The following PEX2 variants were observed in gnomAD, a reference collection of about 807,000 sequenced individuals.
PEX2 encodes peroxisomal biogenesis factor 2, also known as peroxisome biogenesis factor 2.
PEX2 carries 19 observed loss-of-function variants against 25.2 expected under a neutral mutation model. The ratio of observed to expected loss-of-function variants is 0.75; its 90% CI spans 0.53 to 1.10. PEX2 has a LOEUF of 1.10. Among genes scored for constraint, PEX2 ranks in the 50% least tolerant of loss-of-function variants. The probability of loss-of-function intolerance (pLI) is 0.00; values close to 1 mark genes in which losing one functional copy is unlikely to be tolerated. For missense variants in PEX2, 347 were observed against 350.6 expected (o/e 0.99, Z 0.08); for synonymous variants, 141 against 127.7 (o/e 1.10, Z -0.70).
rs1401347852 is a variant in PEX2 at position 76,986,208 on chromosome 8, C to G, written c.-39G>C. On this transcript the variant is annotated 5_prime_UTR_variant, in exon 3 of 4. Coordinates refer to ENST00000357039, the MANE Select transcript of PEX2 (RefSeq NM_000318.3). ...TCACCTTTTTCCTGTTCCTGCAGCTCCCTCAAGACTGGACAGCCTATAGCT... is the reference window on the plus strand; with the variant it reads ...TCACCTTTTTCCTGTTCCTGCAGCTGCCTCAAGACTGGACAGCCTATAGCT... The G allele has an allele frequency of 6.6e-6, 1 of 152,156 alleles. No individual in the cohort carries two copies. Among genetic ancestry groups the G allele is most frequent in the African/African-American group, 2.4e-5 (1 of 41,414 alleles). 9.4% of individuals were successfully genotyped at this position (152,156 alleles called of 1,614,324 possible). A position where few individuals can be genotyped will look rare whatever the true frequency, so the allele number is the denominator to read the frequency against.
chr8:76,998,907 A>G (rs1807411843), intron 1 of PEX2, among the ~76,000 whole-genome samples: 1 of 152,154 alleles, frequency 6.6e-6, no homozygotes, highest in African/African-American at 2.4e-5. Context: ...ATTTAGTCTA[A>G]TACTCTTCAG....
chr8:76,989,541 A>C (rs1364080363), intron 1 of PEX2, among the ~76,000 whole-genome samples: 1 of 152,242 alleles, frequency 6.6e-6, no homozygotes, highest in Admixed American at 6.5e-5. Flanking sequence ...CTTAAAAAAA[A>C]AATATAAAAG....
rs2132042507 is a variant in PEX2 at position 76,983,061 on chromosome 8, C to A, written c.*200G>T. ...AAATTGAATGCAATGATTTAAAAAACATAATACATTAACATTTACATAATA... is the reference window on the plus strand; with the variant it reads ...AAATTGAATGCAATGATTTAAAAAAAATAATACATTAACATTTACATAATA... On this transcript the variant is annotated 3_prime_UTR_variant, in exon 4 of 4. Transcript: ENST00000357039. 1 of 1,364,692 alleles carries A rather than the reference C, an allele frequency of 7.3e-7. No homozygotes were observed. Among genetic ancestry groups the A allele is most frequent in the East Asian group, 2.6e-5 (1 of 38,944 alleles). The allele number at this position is 1,364,692 out of a possible 1,614,324, so 84.5% of individuals were successfully genotyped here. A position where few individuals can be genotyped will look rare whatever the true frequency, so the allele number is the denominator to read the frequency against.
chr8:76,993,792 G>A (rs1194289366), intron 1 of PEX2, among the ~76,000 whole-genome samples: 1 of 151,892 alleles, frequency 6.6e-6, no homozygotes. Context: ...TGCAATTCTC[G>A]ACCTATACTA....
intron 1 of PEX2, among the ~76,000 whole-genome samples, chr8:76,999,131 C>T (rs979059456): frequency 6.6e-6 from 1 of 152,062 alleles, no homozygotes; most frequent in African/African-American, 2.4e-5. Flanking sequence ...TCATTCTGTT[C>T]AGGATTAAGT....
Position 76,998,355 on chromosome 8 carries a change from C to T in PEX2, c.-160+1635G>A, listed in dbSNP as rs531976937. Among the ~76,000 whole-genome samples the T allele has an allele frequency of 2.1e-4, 32 of 152,066 alleles. No homozygotes were observed. In the East Asian group the frequency reaches 3.9e-3, roughly 18 times the overall value. On this transcript the variant is annotated intron_variant, in intron 1 of 3. Transcript: ENST00000357039. ...TCCCTACGGCAAGAATCATTATGTG[C>T]ATCAAATATAAGCAAAACTTTTATG...
Position 76,983,356 on chromosome 8 carries a change from C to T in PEX2, c.823G>A (p.Asp275Asn). 1.2e-6 allele frequency: 2 copies of T among 1,613,960 alleles called. No homozygotes were observed. The highest frequency in any genetic ancestry group is 1.7e-6 in the Non-Finnish European group (2 of 1,179,996). Residue 275 changes from aspartate (D) to asparagine (N), a missense_variant, in exon 4 of 4, where the codon GAC (aspartate) becomes AAC (asparagine). Transcript: ENST00000357039. ...YFCAKSSFLF[D>N]VYFTCPKCGT... ...CACTTAGGACAAGTAAAGTACACGTCAAATAAGAAACTACTCTTAGCACAG... is the reference window on the plus strand; with the variant it reads ...CACTTAGGACAAGTAAAGTACACGTTAAATAAGAAACTACTCTTAGCACAG...
chr8:76,981,343 TC>T lies in PEX2; in HGVS notation c.*1917del, dbSNP rs1806820042. ...CAGGCATGGTGGTATGGGCCTGTGG[TC>T]CCAGCAACTTGGGAGGCTCAGATGG... On this transcript the variant is annotated 3_prime_UTR_variant, in exon 4 of 4. Coordinates refer to ENST00000357039, the MANE Select transcript of PEX2 (RefSeq NM_000318.3). 1 of 152,038 alleles carries T rather than the reference TC, an allele frequency of 6.6e-6. No individual in the cohort carries two copies. The highest frequency in any genetic ancestry group is 2.4e-5 in the African/African-American group (1 of 41,382). 9.4% of individuals were successfully genotyped at this position (152,038 alleles called of 1,614,324 possible).
At chr8:76,984,989 T>C (rs1419646037) in intron 3 of PEX2, among the ~76,000 whole-genome samples, 1 of 151,926 alleles carries the variant, frequency 6.6e-6, no homozygotes, top group Non-Finnish European at 1.5e-5. Flanking sequence ...GGGAAAAAAA[T>C]TTAAATGAAA....
intron 1 of PEX2, among the ~76,000 whole-genome samples, chr8:76,993,528 A>AT (rs1271740550): frequency 1.3e-5 from 2 of 152,248 alleles, no homozygotes; most frequent in Non-Finnish European, 2.9e-5. Context: ...GCCAACACCC[A>AT]TGCCCAACCA....
chr8:76,992,201 T>G (rs542553491), intron 1 of PEX2, among the ~76,000 whole-genome samples: 56 of 152,268 alleles, frequency 3.7e-4, no homozygotes, highest in Middle Eastern at 6.8e-3. Flanking sequence ...ACAGTGTGGA[T>G]AGAGAAAAGA....
intron 1 of PEX2, among the ~76,000 whole-genome samples, chr8:76,996,814 C>T (rs1399242364): frequency 6.6e-6 from 1 of 152,096 alleles, no homozygotes; most frequent in African/African-American, 2.4e-5. Context: ...TCATTTAATC[C>T]TCACAACACA....
In PEX2 at chr8:76,983,269, C is replaced by T. The variant is rs1387218096; in HGVS notation, c.910G>A (p.Ala304Thr). The T allele has an allele frequency of 1.2e-6, 2 of 1,612,640 alleles. No individual in the cohort carries two copies. Among genetic ancestry groups the T allele is most frequent in the South Asian group, 1.1e-5 (1 of 91,082 alleles). The part of the protein sequence containing the change: ...KSGIEMSEVN[A>T]L ...GGAAGCAATTTTAGTTTCTAAAGAG[C>T]ATTTACTTCTGACATCTCGATTCCT... The change falls in exon 4 of 4, where the codon GCT becomes ACT. Residue 304 changes from alanine (A) to threonine (T), a missense_variant. Physicochemically the swap from Ala to Thr is moderately conservative, Grantham distance 58 (BLOSUM62 0). Transcript: ENST00000357039.
At chr8:76,991,643 T>C (rs1252537069) in intron 1 of PEX2, among the ~76,000 whole-genome samples, 1 of 152,218 alleles carries the variant, frequency 6.6e-6, no homozygotes, top group African/African-American at 2.4e-5. Flanking sequence ...ACTTCTCCCA[T>C]GCTCTACATT....
At chr8:76,993,525 C>G (rs1223718704) in intron 1 of PEX2, among the ~76,000 whole-genome samples, 2 of 152,182 alleles carry the variant, frequency 1.3e-5, no homozygotes, top group African/African-American at 2.4e-5. Flanking sequence ...ATTGCCAACA[C>G]CCATGCCCAA....
At chr8:76,993,291 AG>A (rs1323296142) in intron 1 of PEX2, among the ~76,000 whole-genome samples, 5 of 152,236 alleles carry the variant, frequency 3.3e-5, no homozygotes, top group Non-Finnish European at 7.3e-5. Context: ...ATAAAACTGA[AG>A]AAAAGAAAAA....
chr8:76,993,081 G>A (rs1259692147), intron 1 of PEX2, among the ~76,000 whole-genome samples: 5 of 152,140 alleles, frequency 3.3e-5, no homozygotes, highest in Non-Finnish European at 7.4e-5. Flanking sequence ...GGCTGCATCT[G>A]TTATCTGGAA....
chr8:76,992,668 C>T (rs1807207327), intron 1 of PEX2, among the ~76,000 whole-genome samples: 1 of 152,188 alleles, frequency 6.6e-6, no homozygotes, highest in Non-Finnish European at 1.5e-5. Flanking sequence ...ATAGTGTAAG[C>T]AGTTTGTGTT....
rs765431828 is a variant in PEX2 at position 76,984,153 on chromosome 8, T to C, written c.26A>G (p.Lys9Arg). 1.2e-6 allele frequency: 2 copies of C among 1,614,156 alleles called. No homozygotes were observed. Among genetic ancestry groups the C allele is most frequent in the Non-Finnish European group, 1.7e-6 (2 of 1,180,012 alleles). MASRKENA[K>R]SANRVLRISQ... ...TATTCTTAGCACTCTGTTTGCACTC[T>C]TCGCATTCTCTTTTCTGGAAGCCAT... Residue 9 changes from lysine (K) to arginine (R), a missense_variant, in exon 4 of 4, where the codon AAG becomes AGG. Coordinates refer to ENST00000357039, the MANE Select transcript of PEX2 (RefSeq NM_000318.3).
Sources: allele counts gnomAD v4.1 joint callset (sites outside exome capture counted in the v4.1 genomes callset), GRCh38; gene constraint gnomAD v4.1.1; transcripts MANE v1.5; gene names NCBI Gene and HGNC (gene_info 2026-07-23, HGNC 2026-07-21).